AHNAK2: variants seen among roughly 807,000 people sequenced by gnomAD.
AHNAK2 encodes protein AHNAK2.
A neutral mutation model predicts 30.7 loss-of-function variants in AHNAK2; 18 were observed. The ratio of observed to expected loss-of-function variants is 0.59; its 90% confidence interval spans 0.41 to 0.87. AHNAK2 has a LOEUF of 0.87. AHNAK2 is among the 40% of genes least tolerant of loss of function. The pLI, the probability that AHNAK2 is intolerant of heterozygous loss-of-function variation, is 0.00. For synonymous variants in AHNAK2, 3,590 were observed against 3,073.8 expected (o/e 1.17, Z -5.56); for missense variants, 8,604 against 7,373.0 (o/e 1.17, Z -6.11).
Position 104,944,467 on chromosome 14 carries a change from C to A in AHNAK2, c.10984G>T (p.Asp3662Tyr). ...GCTTCCACCTTGGGTGCAGACACAT[C>A]CACCGAGGCCTCCATGGACTTCCCT... ...APGKSMEASV[D>Y]VSAPKVEADV... The change falls in exon 7 of 7, where the codon GAT becomes TAT. Residue 3662 changes from aspartate to tyrosine, a missense_variant. By Grantham distance (160) the Asp-to-Tyr change is radical. Transcript: ENST00000333244. The A allele has an allele frequency of 6.2e-7, 1 of 1,610,540 alleles. No homozygotes were observed. The highest frequency in any genetic ancestry group is 8.5e-7 in the Non-Finnish European group (1 of 1,179,118).
At position 104,948,375 on chromosome 14, in the gene AHNAK2, C is replaced by A; in HGVS notation, c.7076G>T (p.Gly2359Val). 1 of 1,612,600 alleles carries A rather than the reference C, an allele frequency of 6.2e-7. No individual in the cohort carries two copies. Among genetic ancestry groups the A allele is most frequent in the South Asian group, 1.1e-5 (1 of 91,026 alleles). ...EADVSLPSMQ[G>V]DLKTTDLSVQ... is the part of the protein sequence containing the mutation. ...GCTGAGGTCAGTGGTCTTGAGGTCC[C>A]CCTGCATGGAGGGGAGGCTCACGTC... is the stretch of plus-strand genomic sequence containing the variant. The change falls in exon 7 of 7, where the codon GGG becomes GTG. Residue 2359 changes from glycine to valine, a missense_variant. Gly to Val is a moderately radical substitution (Grantham distance 109). Transcript: ENST00000333244.
rs999529019 is a variant in AHNAK2 at position 104,937,599 on chromosome 14, G to T, written c.*464C>A. 1 of 156,658 alleles carries T rather than the reference G, an allele frequency of 6.4e-6. No homozygotes were observed. The allele number at this position is 156,658 out of a possible 1,614,324, so 9.7% of individuals were successfully genotyped here. On this transcript the variant is annotated 3_prime_UTR_variant, in exon 7 of 7. Coordinates refer to ENST00000333244, the MANE Select transcript of AHNAK2 (RefSeq NM_138420.4). ...GAAACAGTGTTTCCTGGAATATACC[G>T]CACTCTGCCTGAAATAGGAAAACTA... is the stretch of plus-strand genomic sequence containing the variant.
At position 104,941,188 on chromosome 14, in the gene AHNAK2, G is replaced by A. The variant is rs76611205; in HGVS notation, c.14263C>T (p.Pro4755Ser). Residue 4755 changes from proline (P) to serine (S), a missense_variant, in exon 7 of 7, where the codon CCA becomes TCA. By Grantham distance (74) the Pro-to-Ser change is moderately conservative (BLOSUM62 -1). Coordinates refer to ENST00000333244, the MANE Select transcript of AHNAK2 (RefSeq NM_138420.4). ...CCCACCTTAGGCATCTGCATGGATG[G>A]CTCTGAACAAGCCGAAACCTGTTGT... Reference protein sequence around the residue: ...ELQQVSACSEPSMQMPKVGFA... With the variant: ...ELQQVSACSESSMQMPKVGFA... 48,043 of 1,613,546 alleles carry A rather than the reference G, an allele frequency of 0.03. 811 individuals carry two copies. Among genetic ancestry groups the A allele is most frequent in the Middle Eastern group, 0.05 (306 of 6,062 alleles).
chr14:104,939,257 G>A lies in AHNAK2; in HGVS notation c.16194C>T (p.Ala5398=). The change falls in exon 7 of 7, where the codon GCC becomes GCT. Residue 5398 remains alanine (A), a synonymous_variant. Coordinates refer to ENST00000333244, the MANE Select transcript of AHNAK2 (RefSeq NM_138420.4). ...TGAACACATCATCCTCTGAGCTGGG[G>A]GCAGGGAAGGAGAACCTTGGTACCA... ...KLMVPRFSFP[A]PSSEDDVFIP... The A allele has an allele frequency of 6.2e-7, 1 of 1,613,900 alleles. No individual in the cohort carries two copies.
Position 104,952,798 on chromosome 14 carries a change from G to A in AHNAK2, c.2653C>T (p.Pro885Ser), listed in dbSNP as rs138482354. 744 of 1,610,086 alleles carry A rather than the reference G, an allele frequency of 4.6e-4. 10 individuals carry two copies. The Admixed American group carries it at 7.7e-3, about 17-fold the overall frequency. Residue 885 changes from proline (P) to serine (S), a missense_variant, in exon 7 of 7, where the codon CCC becomes TCC. Coordinates refer to ENST00000333244, the MANE Select transcript of AHNAK2 (RefSeq NM_138420.4). ...DLKATDLSIQ[P>S]PSADLEVQAG... Reference sequence around the variant, plus strand: ...TGGACCTCCAGGTCAGCGGAAGGGGGCTGAATGCTGAGGTCAGTGGCCTTG... The same window carrying A: ...TGGACCTCCAGGTCAGCGGAAGGGGACTGAATGCTGAGGTCAGTGGCCTTG...
chr14:104,967,038 C>T (rs564801639), intron 1 of AHNAK2, among the ~76,000 whole-genome samples: 1 of 152,182 alleles, frequency 6.6e-6, no homozygotes, highest in Non-Finnish European at 1.5e-5. Flanking sequence ...GTCCCTGGGT[C>T]ACTTGGCCCA....
chr14:104,946,342 C>T lies in AHNAK2; in HGVS notation c.9109G>A (p.Val3037Ile), dbSNP rs1285861807. The T allele has an allele frequency of 1.9e-6, 3 of 1,612,270 alleles. No homozygotes were observed. Among genetic ancestry groups the T allele is most frequent in the African/African-American group, 1.3e-5 (1 of 74,444 alleles). Residue 3037 changes from valine to isoleucine, a missense_variant, in exon 7 of 7, where the codon GTC becomes ATC. Val to Ile is a conservative substitution (Grantham distance 29). Coordinates refer to ENST00000333244, the MANE Select transcript of AHNAK2 (RefSeq NM_138420.4). ...TTCAGGTCCACCTGGCCAGCCTGGA[C>T]CTCCAGTTGGGCAGAGGGGGGCTCA... ...SIEPPSAQLE[V>I]QAGQVDLKLP...
At position 104,937,799 on chromosome 14, in the gene AHNAK2, G is replaced by A. The variant is rs1897848541; in HGVS notation, c.*264C>T. The A allele has an allele frequency of 2.2e-6, 1 of 456,248 alleles. No individual in the cohort carries two copies. The highest frequency in any genetic ancestry group is 3.4e-5 in the East Asian group (1 of 29,046). 28.3% of individuals were successfully genotyped at this position (456,248 alleles called of 1,614,324 possible). ...CAAACTTCCCCAGCAGTGCCTCTGA[G>A]TACCGTGTGAATTCTGGTGTCTTGT... On this transcript the variant is annotated 3_prime_UTR_variant, in exon 7 of 7. Coordinates refer to ENST00000333244, the MANE Select transcript of AHNAK2 (RefSeq NM_138420.4).
Position 104,938,803 on chromosome 14 carries a change from C to A in AHNAK2, c.16648G>T (p.Glu5550Ter), listed in dbSNP as rs1302042600. ...CCTGGGGTGGCTTGTATGGGAGCCT[C>A]TTCTGTGCCCTCCTGAGTCCTAGAG... Reference protein sequence around the residue: ...QHSRTQEGTEEAPIQATPGVD... With the variant: ...QHSRTQEGTE The change falls in exon 7 of 7, where the codon GAG (glutamate) becomes TAG (stop). Residue 5550 changes from glutamate to a stop codon, truncating the protein, a stop_gained. Coordinates refer to ENST00000333244, the MANE Select transcript of AHNAK2 (RefSeq NM_138420.4). LOFTEE classifies it low-confidence loss of function (END_TRUNC). 5.6e-6 allele frequency: 9 copies of A among 1,613,980 alleles called. No homozygotes were observed. Among genetic ancestry groups the A allele is most frequent in the Non-Finnish European group, 7.6e-6 (9 of 1,179,890 alleles).
In AHNAK2 at chr14:104,942,145, G is replaced by A. The variant is rs539656107; in HGVS notation, c.13306C>T (p.Pro4436Ser). Reference sequence around the variant, plus strand: ...CGCGTACTGTCCAGCTTGGCTCCTGGGGCTTGGATGTCCACCTCCATGCTG... The same window carrying A: ...CGCGTACTGTCCAGCTTGGCTCCTGAGGCTTGGATGTCCACCTCCATGCTG... The part of the protein sequence containing the change: ...LPSMEVDIQA[P>S]GAKLDSTRLE... Residue 4436 changes from proline to serine, a missense_variant, in exon 7 of 7, where the codon CCA (proline) becomes TCA (serine). Physicochemically the swap from Pro to Ser is moderately conservative, Grantham distance 74. Transcript: ENST00000333244. 1.2e-5 allele frequency: 19 copies of A among 1,613,184 alleles called. No individual in the cohort carries two copies. The South Asian group carries it at 2.0e-4, about 17-fold the overall frequency.
At chr14:104,975,450 G>C (rs993642414) in intron 1 of AHNAK2, among the ~76,000 whole-genome samples, 10 of 152,200 alleles carry the variant, frequency 6.6e-5, no homozygotes, top group African/African-American at 2.4e-4. Context: ...CTTCTGAGAG[G>C]CCACCTCACT....
At position 104,944,888 on chromosome 14, in the gene AHNAK2, G is replaced by A. The variant is rs778210114; in HGVS notation, c.10563C>T (p.Leu3521=). 6.2e-7 allele frequency: 1 copy of A among 1,613,256 alleles called. No individual in the cohort carries two copies. Among genetic ancestry groups the A allele is most frequent in the South Asian group, 1.1e-5 (1 of 91,056 alleles). Residue 3521 remains leucine (L), a synonymous_variant, in exon 7 of 7, where the codon CTC becomes CTT. Coordinates refer to ENST00000333244, the MANE Select transcript of AHNAK2 (RefSeq NM_138420.4). The part of the protein sequence containing the change: ...SMQGDLKATD[L]SIQPPSADLE... ...GGTCAGCGGAAGGGGGCTGAATGCT[G>A]AGGTCAGTGGCCTTGAGGTCCCCCT...
chr14:104,957,465 T>G lies in AHNAK2; in HGVS notation c.158A>C (p.Gln53Pro), dbSNP rs757222159. The G allele has an allele frequency of 2.6e-5, 42 of 1,602,828 alleles. No homozygotes were observed. The highest frequency in any genetic ancestry group is 1.7e-6 in the Non-Finnish European group (2 of 1,172,798). ...PADEGIRPRP[Q>P]GSSPVYEYTT... is the part of the protein sequence containing the mutation. ...GTATTCGTAGACAGGTGAAGACCCC[T>G]GCGGCCGTGGTCGAATGCCCTCATC... is the stretch of plus-strand genomic sequence containing the variant. Residue 53 changes from glutamine to proline, a missense_variant, in exon 3 of 7, where the codon CAG (glutamine) becomes CCG (proline). Transcript: ENST00000333244.
At position 104,978,189 on chromosome 14, in the gene AHNAK2, C is replaced by G. The variant is rs760277998; in HGVS notation, c.49G>C (p.Gly17Arg). Residue 17 changes from glycine to arginine, a missense_variant, in exon 1 of 7, where the codon GGC becomes CGC. Transcript: ENST00000333244. ...CAGGCGGGGAGGGGCGCACCGCTGC[C>G]GGGGGTTCCGGGCCAGGTGGGCAGC... Reference protein sequence around the residue: ...MVLPTWPGTPGSVSGRQLQPG... With the variant: ...MVLPTWPGTPRSVSGRQLQPG... The G allele has an allele frequency of 7.4e-6, 9 of 1,211,436 alleles. No individual in the cohort carries two copies. Among genetic ancestry groups the G allele is most frequent in the Non-Finnish European group, 9.2e-6 (9 of 974,242 alleles). 75.0% of individuals were successfully genotyped at this position (1,211,436 alleles called of 1,614,324 possible). A position where few individuals can be genotyped will look rare whatever the true frequency, so the allele number is the denominator to read the frequency against.
Position 104,938,024 on chromosome 14 carries a change from A to G in AHNAK2, c.*39T>C, listed in dbSNP as rs1897860133. Reference sequence around the variant, plus strand: ...GTGTGTAGCCTTTACTTTCCAACTTAGTTTTTTGCATCTCTCTTGTACTGA... The same window carrying G: ...GTGTGTAGCCTTTACTTTCCAACTTGGTTTTTTGCATCTCTCTTGTACTGA... On this transcript the variant is annotated 3_prime_UTR_variant, in exon 7 of 7. Transcript: ENST00000333244. 1.3e-6 allele frequency: 2 copies of G among 1,578,220 alleles called. No individual in the cohort carries two copies. Among genetic ancestry groups the G allele is most frequent in the Non-Finnish European group, 1.7e-6 (2 of 1,160,836 alleles).
chr14:104,945,245 G>T lies in AHNAK2; in HGVS notation c.10206C>A (p.Pro3402=), dbSNP rs753154161. ...PKVEMPSFKM[P]KVDLKSPQVD... ...CCTGGGGGCTCTTGAGGTCCACTTT[G>T]GGCATCTTGAAACTGGGCATCTCCA... Residue 3402 remains proline, a synonymous_variant, in exon 7 of 7, where the codon CCC becomes CCA. Coordinates refer to ENST00000333244, the MANE Select transcript of AHNAK2 (RefSeq NM_138420.4). The T allele has an allele frequency of 1.2e-6, 2 of 1,612,854 alleles. No individual in the cohort carries two copies. The highest frequency in any genetic ancestry group is 2.2e-5 in the South Asian group (2 of 91,028).
rs556317504 is a variant in AHNAK2 at position 104,949,181 on chromosome 14, C to G, written c.6270G>C (p.Gln2090His). ...CCAGTTTGGGGCCCTTGATGTCCAC[C>G]TGGGGGCCCTTGAGGTCCACTTTGG... is the stretch of plus-strand genomic sequence containing the variant. ...KMPKVDLKGP[Q>H]VDIKGPKLDL... The change falls in exon 7 of 7, where the codon CAG (glutamine) becomes CAC (histidine). Residue 2090 changes from glutamine to histidine, a missense_variant. Physicochemically the swap from Gln to His is conservative, Grantham distance 24 (BLOSUM62 0). Transcript: ENST00000333244. 9.4e-7 allele frequency: 1 copy of G among 1,068,252 alleles called. No individual in the cohort carries two copies. The highest frequency in any genetic ancestry group is 2.3e-5 in the East Asian group (1 of 44,310). 66.2% of individuals were successfully genotyped at this position (1,068,252 alleles called of 1,614,324 possible).
chr14:104,953,920 G>T lies in AHNAK2; in HGVS notation c.1531C>A (p.Pro511Thr). 6.2e-7 allele frequency: 1 copy of T among 1,613,922 alleles called. No homozygotes were observed. The highest frequency in any genetic ancestry group is 8.5e-7 in the Non-Finnish European group (1 of 1,179,882). ...EPERERRLSTPQRGKRQDASS... is the reference protein window; with the variant it reads ...EPERERRLSTTQRGKRQDASS... ...GCATCCTGTCTCTTCCCTCGCTGTG[G>T]GGTACTAAGGCGCCTTTCTCTTTCT... The change falls in exon 7 of 7, where the codon CCA becomes ACA. Residue 511 changes from proline to threonine, a missense_variant. Coordinates refer to ENST00000333244, the MANE Select transcript of AHNAK2 (RefSeq NM_138420.4).
chr14:104,942,777 T>C lies in AHNAK2; in HGVS notation c.12674A>G (p.Lys4225Arg). Reference protein sequence around the residue: ...HLPKVQMPCLKMPKVALKGPQ... With the variant: ...HLPKVQMPCLRMPKVALKGPQ... ...GCCCTTGAGGGCCACTTTGGGCATCTTCAAACAGGGCATCTGCACCTTGGG... is the reference window on the plus strand; with the variant it reads ...GCCCTTGAGGGCCACTTTGGGCATCCTCAAACAGGGCATCTGCACCTTGGG... The change falls in exon 7 of 7, where the codon AAG (lysine) becomes AGG (arginine). Residue 4225 changes from lysine (K) to arginine (R), a missense_variant. Coordinates refer to ENST00000333244, the MANE Select transcript of AHNAK2 (RefSeq NM_138420.4). 6.2e-7 allele frequency: 1 copy of C among 1,612,862 alleles called. No individual in the cohort carries two copies. The highest frequency in any genetic ancestry group is 8.5e-7 in the Non-Finnish European group (1 of 1,179,556).
Sources: allele counts gnomAD v4.1 joint callset (sites outside exome capture counted in the v4.1 genomes callset), GRCh38; gene constraint gnomAD v4.1.1; transcripts MANE v1.5; gene names NCBI Gene and HGNC (gene_info 2026-07-23, HGNC 2026-07-21).